Variants in UTRN observed in about 807,000 individuals in gnomAD.
UTRN encodes the protein dystrophin-related protein 1.
UTRN carries 283 observed loss-of-function variants against 463.9 expected under a neutral mutation model. The observed-to-expected ratio is 0.61, with a 90% confidence interval of 0.55 to 0.67. The LOEUF is 0.67. Among genes scored for constraint, UTRN ranks in the 30% least tolerant of loss-of-function variants. The pLI is 0.00. For synonymous variants in UTRN, 1,442 were observed against 1,431.5 expected, an observed-to-expected ratio of 1.01 and a Z score of -0.17; for missense variants, 3,922 against 4,084.3, an observed-to-expected ratio of 0.96 and a Z score of 1.08.
At chr6:144,438,919 G>C (rs559849174) in intron 12 of UTRN, 24 bp downstream of exon 12, 10 of 1,610,904 alleles carry the variant, frequency 6.2e-6, no homozygotes, top group South Asian at 1.1e-5. Flanking sequence ...ATATTTCTTC[G>C]ATACCTTATC....
At chr6:144,766,655 GCC>G (rs1793379697) in intron 58 of UTRN, among the ~76,000 whole-genome samples, 4 of 152,030 alleles carry the variant, frequency 2.6e-5, no homozygotes, top group Non-Finnish European at 4.4e-5. Context: ...AAAGTTGGAA[GCC>G]AAACAGAAGT....
chr6:144,372,949 C>G (rs1329030506), intron 2 of UTRN, among the ~76,000 whole-genome samples: 1 of 152,106 alleles, frequency 6.6e-6, no homozygotes, highest in African/African-American at 2.4e-5. Flanking sequence ...TAGGGAAATG[C>G]AAATCAAAAC....
chr6:144,775,782 T>G (rs1775269962), intron 60 of UTRN, among the ~76,000 whole-genome samples: 1 of 152,176 alleles, frequency 6.6e-6, no homozygotes, highest in African/African-American at 2.4e-5. Flanking sequence ...ATGGTCCCAG[T>G]TTTCGACAAC....
chr6:144,718,650 T>C (rs554796161), intron 53 of UTRN, among the ~76,000 whole-genome samples: 3 of 152,348 alleles, frequency 2.0e-5, no homozygotes, highest in South Asian at 2.1e-4. Context: ...TGGACTGGAC[T>C]GTACCTAAGG....
chr6:144,758,019 A>C, intron 58 of UTRN, 30 bp downstream of exon 58: 1 of 1,574,092 alleles, frequency 6.4e-7, no homozygotes, highest in Non-Finnish European at 8.7e-7. Context: ...CCTTTATGAT[A>C]CCAAGAAAAT....
At chr6:144,558,709 C>T (rs962289899) in intron 50 of UTRN, among the ~76,000 whole-genome samples, 17 of 151,992 alleles carry the variant, frequency 1.1e-4, no homozygotes, top group African/African-American at 4.1e-4. Context: ...ATCTCCAAGA[C>T]AGAAAGGTAG....
intron 51 of UTRN, among the ~76,000 whole-genome samples, chr6:144,597,235 CA>C (rs67471247): frequency 0.023 from 1,957 of 85,682 alleles, 39 homozygotes; most frequent in African/African-American, 0.065. Flanking sequence ...GAGACTGTCT[CA>C]AAAAAAAAAA....
rs762061282 is a variant in UTRN at position 144,817,249 on chromosome 6, GT to G, written c.9358-3631del. 9.5e-4 allele frequency among the ~76,000 whole-genome samples: 145 copies of G among 152,250 alleles called. 1 individual carries two copies. The highest frequency in any genetic ancestry group is 6.8e-3 in the Middle Eastern group (2 of 294). ...AAGGTACAAGGTCCTATGCTAACCT[GT>G]TACCCTTGTGTTTGATCTAATGGGA... On this transcript the variant is annotated intron_variant, in intron 65 of 74. Coordinates refer to ENST00000367545, the MANE Select transcript of UTRN (RefSeq NM_007124.3).
chr6:144,371,875 G>A (rs181008650), intron 2 of UTRN, among the ~76,000 whole-genome samples: 1 of 152,140 alleles, frequency 6.6e-6, no homozygotes, highest in African/African-American at 2.4e-5. Context: ...GGGGGTTGTT[G>A]ACTAAGAAAT....
intron 74 of UTRN, among the ~76,000 whole-genome samples, chr6:144,848,528 T>C (rs1232520370): frequency 6.6e-6 from 1 of 152,166 alleles, no homozygotes; most frequent in Middle Eastern, 3.2e-3. Flanking sequence ...GGAGGATCAA[T>C]GGATCCTATT....
At chr6:144,788,100 A>G (rs1446447739) in intron 61 of UTRN, among the ~76,000 whole-genome samples, 1 of 152,176 alleles carries the variant, frequency 6.6e-6, no homozygotes, top group African/African-American at 2.4e-5. Context: ...ATAAAAAAAC[A>G]TGTTTCATCT....
intron 2 of UTRN, among the ~76,000 whole-genome samples, chr6:144,328,846 C>T (rs768490297): frequency 3.9e-5 from 6 of 151,952 alleles, no homozygotes; most frequent in Non-Finnish European, 7.4e-5. Context: ...TGCAGTGGTG[C>T]GATCTTGGCT....
At chr6:144,505,563 T>G (rs1045515031) in intron 34 of UTRN, among the ~76,000 whole-genome samples, 2 of 152,254 alleles carry the variant, frequency 1.3e-5, no homozygotes, top group Non-Finnish European at 2.9e-5. Context: ...TTGTGCGGTT[T>G]TGAGTGCGTT....
At chr6:144,610,890 A>G (rs1289419032) in intron 51 of UTRN, among the ~76,000 whole-genome samples, 2 of 152,188 alleles carry the variant, frequency 1.3e-5, no homozygotes, top group Non-Finnish European at 2.9e-5. Context: ...AAACCAAACC[A>G]AACCAAACCA....
intron 31 of UTRN, 80 bp downstream of exon 31, chr6:144,490,279 G>T: frequency 1.3e-6 from 2 of 1,533,032 alleles, no homozygotes; most frequent in Non-Finnish European, 1.7e-6. Context: ...TTGATTACTT[G>T]GGCACCGTTT....
rs1170476008 is a variant in UTRN at position 144,777,034 on chromosome 6, A to T, written c.8632+2670A>T. On this transcript the variant is annotated intron_variant, in intron 60 of 74. Coordinates refer to ENST00000367545, the MANE Select transcript of UTRN (RefSeq NM_007124.3). ...GGCAGAGTGTCAATGGTAATTTTTA[A>T]TATTCTGTTTATTAGTTATTGTTTG... 2.0e-5 allele frequency among the ~76,000 whole-genome samples: 3 copies of T among 152,004 alleles called. No individual in the cohort carries two copies. In the East Asian group the frequency reaches 5.8e-4, roughly 29 times the overall value.
intron 58 of UTRN, among the ~76,000 whole-genome samples, chr6:144,759,540 G>T (rs1792407247): frequency 6.6e-6 from 1 of 152,078 alleles, no homozygotes; most frequent in African/African-American, 2.4e-5. Context: ...AAAATGTTAG[G>T]TTACAAAGCA....
chr6:144,838,607 T>C (rs1179519938), intron 71 of UTRN, among the ~76,000 whole-genome samples: 1 of 152,184 alleles, frequency 6.6e-6, no homozygotes, highest in African/African-American at 2.4e-5. Context: ...AAATAGTCAT[T>C]CTTCACTCCC....
chr6:144,401,343 C>T (rs1186327766), intron 2 of UTRN, among the ~76,000 whole-genome samples: 1 of 152,066 alleles, frequency 6.6e-6, no homozygotes, highest in Non-Finnish European at 1.5e-5. Context: ...GCTGGTATAT[C>T]CCCCCTTCAG....
Sources: gnomAD v4.1 joint callset for allele counts (sites outside exome capture counted in the v4.1 genomes callset) on GRCh38, gnomAD v4.1.1 for gene constraint, MANE v1.5 for transcripts, NCBI Gene and HGNC (gene_info 2026-07-23, HGNC 2026-07-21) for gene names.